The following NBPF14 variants were observed in gnomAD, a reference collection of about 807,000 sequenced individuals.
The protein encoded by NBPF14 is NBPF member 14, also known as NBPF family member NBPF14.
NBPF14 carries 104 observed loss-of-function variants against 91.2 expected under a neutral mutation model. The ratio of observed to expected loss-of-function variants is 1.14; its 90% CI spans 0.97 to 1.34. The LOEUF (loss-of-function observed/expected upper bound fraction) is 1.34, where lower values mean the gene tolerates loss of function less well. Among genes scored for constraint, NBPF14 ranks in the 40% most tolerant of loss-of-function variants. NBPF14 has a pLI of 0.00. For synonymous variants in NBPF14, 294 were observed against 303.8 expected (o/e 0.97, Z 0.34); for missense variants, 908 against 783.0 (o/e 1.16, Z -1.91).
At chr1:148,533,834 T>A (rs1654297229) in intron 70 of NBPF14, 27 bp downstream of exon 70, 4 of 766,752 alleles carry the variant, frequency 5.2e-6, no homozygotes, top group Non-Finnish European at 9.5e-6. Context: ...AACACAGAAC[T>A]AAGGATCCAC....
intron 70 of NBPF14, 115 bp downstream of exon 70, chr1:148,533,746 T>A: frequency 4.0e-6 from 3 of 757,632 alleles, no homozygotes; most frequent in Non-Finnish European, 4.8e-6. Flanking sequence ...GCAATGACAG[T>A]AGGAGTAATT....
At chr1:148,580,823 T>G (rs1227687236) in intron 12 of NBPF14, among the ~76,000 whole-genome samples, 1 of 108,080 alleles carries the variant, frequency 9.3e-6, no homozygotes, top group African/African-American at 3.7e-5. Context: ...ATATGTATAG[T>G]TTTCCTTTAT....
At position 148,593,325 on chromosome 1, in the gene NBPF14, G is replaced by T. The variant is rs1344183116; in HGVS notation, c.278+273C>A. 1.3e-5 allele frequency among the ~76,000 whole-genome samples: 2 copies of T among 148,818 alleles called. 1 individual carries two copies. The highest frequency in any genetic ancestry group is 3.0e-5 in the Non-Finnish European group (2 of 66,318). On this transcript the variant is annotated intron_variant, in intron 3 of 70. Transcript: ENST00000619423. ...TTGATTATACTGAATGCTGCTGGGT[G>T]GTTCCCACTCCTTTGGTGAATTTTG...
exon 37 of NBPF14, chr1:148,559,887 T>A: frequency 3.1e-6 from 4 of 1,292,090 alleles, no homozygotes; most frequent in Non-Finnish European, 4.3e-6. Flanking sequence ...CAAGACAACC[T>A]GAAGGAGTTG....
intron 7 of NBPF14, 52 bp from the exon 8 acceptor site, chr1:148,587,455 T>C: frequency 2.0e-6 from 3 of 1,520,168 alleles, no homozygotes; most frequent in Non-Finnish European, 2.7e-6. Context: ...CATGCTGCTG[T>C]GGTCATTGCC....
intron 3 of NBPF14, among the ~76,000 whole-genome samples, chr1:148,593,256 G>T (rs1340998434): frequency 6.7e-6 from 1 of 148,850 alleles, no homozygotes; most frequent in East Asian, 1.9e-4. Context: ...CAGTCAGGAG[G>T]TGATTCTCAC....
rs1460800240 is a variant in NBPF14, at chr1:148,583,866, T to C, written c.1585+605A>G. On this transcript the variant is annotated intron_variant, in intron 11 of 70. Coordinates refer to ENST00000619423, the Ensembl canonical transcript of NBPF14. The stretch of plus-strand genomic sequence containing the variant: ...CCTGGGTGACAGAGCAAGACTCCAT[T>C]GCAAAAAAAAAAAAATCCACGATGC... 8.7e-4 allele frequency among the ~76,000 whole-genome samples: 68 copies of C among 78,476 alleles called. 4 individuals are homozygous for C. Among genetic ancestry groups the C allele is most frequent in the African/African-American group, 2.7e-3 (20 of 7,294 alleles). 51.5% of individuals were successfully genotyped at this position (78,476 alleles called of 152,430 possible).
intron 14 of NBPF14, among the ~76,000 whole-genome samples, chr1:148,577,679 A>C (rs1446440240): frequency 6.7e-6 from 1 of 148,166 alleles, no homozygotes; most frequent in East Asian, 2.0e-4. Context: ...CACAGTGAAC[A>C]GTGATCATGA....
exon 13 of NBPF14, chr1:148,579,177 C>G: frequency 2.3e-6 from 1 of 443,724 alleles, no homozygotes; most frequent in Non-Finnish European, 3.9e-6. Flanking sequence ...TTGAGAGAGT[C>G]GAATAACCTT....
At chr1:148,534,221 A>G (rs587660539) in intron 69 of NBPF14, among the ~76,000 whole-genome samples, 4 of 151,272 alleles carry the variant, frequency 2.6e-5, no homozygotes, top group Admixed American at 6.7e-5. Context: ...AAGTTTCTGC[A>G]AACAGTTACG....
rs1176714723 is a variant in NBPF14 at position 148,572,673 on chromosome 1, C to T, written c.2586-58G>A. On this transcript the variant is annotated intron_variant, in intron 20 of 70. Coordinates refer to ENST00000619423, the Ensembl canonical transcript of NBPF14. ...AGGGGGAATCAGAAACCACACAGCC[C>T]CAGCTAGATTTCATGGCTAACGTAA... is the stretch of plus-strand genomic sequence containing the variant. 16 of 672,682 alleles carry T rather than the reference C, an allele frequency of 2.4e-5. No individual in the cohort carries two copies. The East Asian group carries it at 4.3e-4, about 18-fold the overall frequency. 41.7% of individuals were successfully genotyped at this position (672,682 alleles called of 1,614,324 possible). A position where few individuals can be genotyped will look rare whatever the true frequency, so the allele number is the denominator to read the frequency against.
intron 40 of NBPF14, among the ~76,000 whole-genome samples, chr1:148,557,089 G>A (rs1259200740): frequency 2.8e-4 from 21 of 75,696 alleles, no homozygotes; most frequent in Non-Finnish European, 4.0e-4. Context: ...CACACACACA[G>A]AGAGAGAGAG....
chr1:148,535,189 T>A (rs1463106465), intron 68 of NBPF14, among the ~76,000 whole-genome samples: 1 of 149,934 alleles, frequency 6.7e-6, no homozygotes, highest in Middle Eastern at 3.2e-3. Context: ...GGGGGCTCAA[T>A]AATTTTCCAT....
At position 148,592,750 on chromosome 1, in the gene NBPF14, C is replaced by A. The variant is rs1364857734; in HGVS notation, c.295G>T (p.Val99Phe). 15 of 1,584,406 alleles carry A rather than the reference C, an allele frequency of 9.5e-6. 1 individual carries two copies. In the Admixed American group the frequency reaches 1.9e-4, roughly 20 times the overall value. Residue 99 changes from valine (V) to phenylalanine (F), a missense_variant, in exon 4 of 71, where the codon GTT becomes TTT. Around this residue, in one of 13 missense-constraint regions of NBPF14, gnomAD observed 61 missense variants for 56.4 expected, o/e 1.08. Coordinates refer to ENST00000619423, the Ensembl canonical transcript of NBPF14. The stretch of plus-strand genomic sequence containing the variant: ...GTCAGCTCTCGTTCCTGAGAGTGAA[C>A]CAGGACTTTATATTGCCTAAGGTGA...
In NBPF14 at chr1:148,575,697, G is replaced by T. The variant is rs1193745626; in HGVS notation, c.2193C>A (p.Tyr731Ter). The T allele has an allele frequency of 5.3e-3, 1,102 of 208,560 alleles. 17 individuals are homozygous for T. Among genetic ancestry groups the T allele is most frequent in the Non-Finnish European group, 7.6e-3 (883 of 116,110 alleles). The allele number at this position is 208,560 out of a possible 1,614,324, so 12.9% of individuals were successfully genotyped here. A position where few individuals can be genotyped will look rare whatever the true frequency, so the allele number is the denominator to read the frequency against. ...CCTCCAATGAGTAAACAGCACTGCT[G>T]TAGGGCTGGCCTAAGTCAGGCAGTT... Residue 731 changes from tyrosine (Y) to a stop codon, truncating the protein, a stop_gained, in exon 17 of 71, where the codon TAC becomes TAA. Coordinates refer to ENST00000619423, the Ensembl canonical transcript of NBPF14. LOFTEE classifies it high-confidence loss of function.
chr1:148,579,927 C>T (rs1166014209), intron 12 of NBPF14, among the ~76,000 whole-genome samples: 3 of 152,080 alleles, frequency 2.0e-5, no homozygotes, highest in Non-Finnish European at 4.4e-5. Context: ...ACATCCACCC[C>T]AAAACCCCAT....
rs1437407848 is a variant in NBPF14, at chr1:148,578,964, C to T, written c.1801+110G>A. On this transcript the variant is annotated intron_variant, in intron 13 of 70. Coordinates refer to ENST00000619423, the Ensembl canonical transcript of NBPF14. ...AATCTACATTGATATATAGGTTCAG[C>T]CCACGGTGATGGCAAATCTCAGCCC... is the stretch of plus-strand genomic sequence containing the variant. 7.5e-6 allele frequency: 5 copies of T among 666,252 alleles called. No individual in the cohort carries two copies. The African/African-American group carries it at 9.5e-5, about 13-fold the overall frequency. The allele number at this position is 666,252 out of a possible 1,614,324, so 41.3% of individuals were successfully genotyped here.
chr1:148,566,375 A>T (rs1384361883), intron 28 of NBPF14, 60 bp from the exon 29 acceptor site: 1 of 745,766 alleles, frequency 1.3e-6, no homozygotes, highest in Non-Finnish European at 2.5e-6. Flanking sequence ...ACAGAGCCTC[A>T]ACTAGGTTTC....
intron 68 of NBPF14, among the ~76,000 whole-genome samples, chr1:148,535,248 G>C (rs1386216858): frequency 6.0e-5 from 9 of 150,790 alleles, no homozygotes; most frequent in East Asian, 5.8e-4. Context: ...TTGAGGTATG[G>C]TCAACCTACA....
Sources: gnomAD v4.1 joint callset for allele counts (sites outside exome capture counted in the v4.1 genomes callset) on GRCh38, gnomAD v4.1.1 for gene constraint, gnomAD v4.1.1 regional missense constraint, MANE v1.5 for transcripts, NCBI Gene and HGNC (gene_info 2026-07-23, HGNC 2026-07-21) for gene names.